The following NFXL1 variants were observed in gnomAD, a reference collection of about 807,000 sequenced individuals.
NFXL1 encodes nuclear transcription factor, X-box binding like 1.
A neutral mutation model predicts 123.3 loss-of-function variants in NFXL1; 66 were observed. The ratio of observed to expected loss-of-function variants is 0.54; its 90% CI spans 0.44 to 0.66. NFXL1 has a LOEUF of 0.66. NFXL1 is among the 30% of genes least tolerant of loss of function. The pLI, the probability that NFXL1 is intolerant of heterozygous loss-of-function variation, is 0.00. For synonymous variants in NFXL1, 346 were observed against 360.8 expected (o/e 0.96, Z 0.46); for missense variants, 944 against 1,125.6 (o/e 0.84, Z 2.31).
chr4:47,900,647 G>A (rs1737318683), intron 5 of NFXL1, among the ~76,000 whole-genome samples: 1 of 152,210 alleles, frequency 6.6e-6, no homozygotes, highest in South Asian at 2.1e-4. Flanking sequence ...AAATATACTT[G>A]TAGATCATCA....
intron 5 of NFXL1, among the ~76,000 whole-genome samples, chr4:47,900,038 G>T (rs933183840): frequency 2.0e-5 from 3 of 152,018 alleles, no homozygotes; most frequent in African/African-American, 7.2e-5. Context: ...GTTTTGTTTT[G>T]TGGTTTACAA....
At chr4:47,881,235 T>C (rs531657530) in intron 15 of NFXL1, among the ~76,000 whole-genome samples, 4 of 152,290 alleles carry the variant, frequency 2.6e-5, no homozygotes, top group Non-Finnish European at 4.4e-5. Context: ...GTGTCTGAGA[T>C]AATGGATACG....
intron 18 of NFXL1, among the ~76,000 whole-genome samples, chr4:47,867,911 T>C (rs937176517): frequency 3.3e-5 from 5 of 152,204 alleles, no homozygotes; most frequent in Non-Finnish European, 7.3e-5. Flanking sequence ...GGGAATACTA[T>C]ACTCACAAGC....
intron 20 of NFXL1, among the ~76,000 whole-genome samples, chr4:47,854,252 CG>C (rs1447751292): frequency 1.3e-5 from 2 of 151,256 alleles, no homozygotes; most frequent in African/African-American, 4.9e-5. Flanking sequence ...TGAATAAAAG[CG>C]AATTTCAAGA....
rs760786566 is a variant in NFXL1, at chr4:47,875,191, G to A, written c.2182C>T (p.Pro728Ser). The A allele has an allele frequency of 2.5e-6, 4 of 1,612,440 alleles. No individual in the cohort carries two copies. In the African/African-American group the frequency reaches 4.0e-5, roughly 16 times the overall value. Reference protein sequence around the residue: ...ILRCHPGECPPCVQMLRIKCH... With the variant: ...ILRCHPGECPSCVQMLRIKCH... ...TTTATTCTAAGCATCTGAACACAAG[G>A]TGGACATTCTCCAGGGTGACATCGC... Residue 728 changes from proline to serine, a missense_variant, in exon 18 of 23, where the codon CCT (proline) becomes TCT (serine). Pro to Ser is a moderately conservative substitution (Grantham distance 74). This residue lies in a region of NFXL1 where 301 missense variants were observed against 348.0 expected (regional missense o/e 0.86). Coordinates refer to ENST00000507489, the MANE Select transcript of NFXL1 (RefSeq NM_001278624.2).
chr4:47,860,613 G>A (rs1027025512), intron 19 of NFXL1, among the ~76,000 whole-genome samples: 8 of 152,190 alleles, frequency 5.3e-5, no homozygotes, highest in Non-Finnish European at 1.0e-4. Flanking sequence ...ACAATCTACA[G>A]TATGGGAAAG....
At position 47,885,876 on chromosome 4, in the gene NFXL1, C is replaced by T. The variant is rs1316883329; in HGVS notation, c.1664+3G>A. The T allele has an allele frequency of 2.5e-6, 4 of 1,611,986 alleles. No homozygotes were observed. The African/African-American group carries it at 4.0e-5, about 16-fold the overall frequency. On this transcript the variant is annotated splice_donor_region_variant and intron_variant, in intron 13 of 22. Transcript: ENST00000507489. The stretch of plus-strand genomic sequence containing the variant: ...GGAAGCTTGTGCAAAGCTTCAAACT[C>T]ACCTGCATTGCTCCTTGCACTTGGG...
chr4:47,878,391 A>G, intron 17 of NFXL1, 134 bp downstream of exon 17: 1 of 650,154 alleles, frequency 1.5e-6, no homozygotes, highest in Non-Finnish European at 2.6e-6. Flanking sequence ...AGGAAAGGAA[A>G]AGAAGGAGAA....
At chr4:47,914,278 G>C (rs993148891) in intron 1 of NFXL1, 73 bp from the exon 2 acceptor site, 1 of 1,210,888 alleles carries the variant, frequency 8.3e-7, no homozygotes, top group Non-Finnish European at 1.1e-6. Flanking sequence ...AGGAGGGTCA[G>C]TGCGGAAACC....
At chr4:47,860,858 GT>G (rs796712404) in intron 19 of NFXL1, among the ~76,000 whole-genome samples, 15 of 146,154 alleles carry the variant, frequency 1.0e-4, no homozygotes, top group East Asian at 2.0e-4. Flanking sequence ...AGCAATCTGT[GT>G]TTTTTTTTTT....
chr4:47,892,337 C>T (rs907784947), intron 11 of NFXL1, among the ~76,000 whole-genome samples: 1 of 152,114 alleles, frequency 6.6e-6, no homozygotes, highest in Non-Finnish European at 1.5e-5. Context: ...AGGCAAAATT[C>T]GTAGTTCAGA....
intron 13 of NFXL1, 97 bp from the exon 14 acceptor site, chr4:47,885,754 T>C (rs1736392449): frequency 7.5e-7 from 1 of 1,341,760 alleles, no homozygotes; most frequent in Non-Finnish European, 1.0e-6. Context: ...TGATTCCATA[T>C]AGAATGAGTA....
At chr4:47,896,688 A>G (rs1444584750) in intron 9 of NFXL1, 41 bp from the exon 10 acceptor site, 3 of 1,408,952 alleles carry the variant, frequency 2.1e-6, no homozygotes, top group Non-Finnish European at 3.0e-6. Flanking sequence ...ATGAGACATT[A>G]TTATTAAACA....
chr4:47,862,721 T>C, intron 19 of NFXL1, 125 bp downstream of exon 19: 1 of 718,598 alleles, frequency 1.4e-6, no homozygotes, highest in East Asian at 2.6e-5. Flanking sequence ...ACTATATGTC[T>C]TACGTGTTTA....
At chr4:47,877,294 C>T (rs1407419989) in intron 17 of NFXL1, 3 of 391,878 alleles carry the variant, frequency 7.7e-6, no homozygotes, top group Non-Finnish European at 1.5e-5. Flanking sequence ...TCCTGGATCA[C>T]TTCCAATATC....
At chr4:47,887,320 G>T (rs1288688930) in intron 12 of NFXL1, among the ~76,000 whole-genome samples, 16 of 151,954 alleles carry the variant, frequency 1.1e-4, no homozygotes, top group Non-Finnish European at 4.4e-5. Flanking sequence ...GAGTTAACCT[G>T]ATAAAAAAAA....
intron 18 of NFXL1, among the ~76,000 whole-genome samples, chr4:47,864,281 T>C (rs1438443982): frequency 6.6e-6 from 1 of 152,158 alleles, no homozygotes; most frequent in African/African-American, 2.4e-5. Context: ...AGAAAAAGAC[T>C]ATGGTATAAT....
intron 12 of NFXL1, among the ~76,000 whole-genome samples, chr4:47,886,973 A>C (rs1376364775): frequency 6.6e-6 from 1 of 152,200 alleles, no homozygotes; most frequent in African/African-American, 2.4e-5. Context: ...TGCTTTGTGA[A>C]AGACTAAGTA....
At chr4:47,852,643 T>G (rs962342914) in intron 20 of NFXL1, among the ~76,000 whole-genome samples, 7 of 152,106 alleles carry the variant, frequency 4.6e-5, no homozygotes, top group African/African-American at 1.4e-4. Context: ...CTACTGTTTT[T>G]GATGTCTTGA....
Sources: gnomAD v4.1 joint callset for allele counts (sites outside exome capture counted in the v4.1 genomes callset) on GRCh38, gnomAD v4.1.1 for gene constraint, gnomAD v4.1.1 regional missense constraint, MANE v1.5 for transcripts, NCBI Gene and HGNC (gene_info 2026-07-23, HGNC 2026-07-21) for gene names.